L3MBTL2: variants seen among roughly 807,000 people sequenced by gnomAD.
The protein encoded by L3MBTL2 is lethal(3)malignant brain tumor-like protein 2.
Under a neutral mutation model 86.4 loss-of-function variants are expected in L3MBTL2, and 49 were observed. The ratio of observed to expected loss-of-function variants is 0.57; its 90% CI spans 0.45 to 0.72. The LOEUF is 0.72. Among genes scored for constraint, L3MBTL2 ranks in the 30% least tolerant of loss-of-function variants. L3MBTL2 has a pLI of 0.00. For missense variants in L3MBTL2, 755 were observed against 923.7 expected (o/e 0.82, Z 2.37); for synonymous variants, 336 against 350.6 (o/e 0.96, Z 0.47).
At position 41,226,655 on chromosome 22, in the gene L3MBTL2, C is replaced by G; in HGVS notation, c.1505-7C>G. On this transcript the variant is annotated splice_region_variant and splice_polypyrimidine_tract_variant and intron_variant, in intron 12 of 16. Coordinates refer to ENST00000216237, the MANE Select transcript of L3MBTL2 (RefSeq NM_031488.5). ...TCCCTCTGCATCTGAGCTTTCTGCT[C>G]CTCCAGGTTATGAGGCACAGACTTT... 1 of 1,609,002 alleles carries G rather than the reference C, an allele frequency of 6.2e-7. No homozygotes were observed. Among genetic ancestry groups the G allele is most frequent in the African/African-American group, 1.3e-5 (1 of 74,952 alleles).
Position 41,227,985 on chromosome 22 carries a change from G to T in L3MBTL2, c.1888+116G>T. On this transcript the variant is annotated intron_variant, in intron 15 of 16. Coordinates refer to ENST00000216237, the MANE Select transcript of L3MBTL2 (RefSeq NM_031488.5). This position sits in a 1 kb window ranked among gnomAD's most constrained non-coding sequence, Gnocchi z 6.0. ...ACTGGTTCCCAGGTGCTGTCCTACT[G>T]ACGTAGCTCTCTTCGTGTTCCTGTC... 1 of 1,480,618 alleles carries T rather than the reference G, an allele frequency of 6.8e-7. No individual in the cohort carries two copies. Among genetic ancestry groups the T allele is most frequent in the Non-Finnish European group, 9.0e-7 (1 of 1,113,974 alleles). 91.7% of individuals were successfully genotyped at this position (1,480,618 alleles called of 1,614,324 possible). A position where few individuals can be genotyped will look rare whatever the true frequency, so the allele number is the denominator to read the frequency against.
At position 41,229,676 on chromosome 22, in the gene L3MBTL2, G is replaced by A; in HGVS notation, c.2005+20G>A. 2 of 1,613,052 alleles carry A rather than the reference G, an allele frequency of 1.2e-6. No homozygotes were observed. The highest frequency in any genetic ancestry group is 1.7e-6 in the Non-Finnish European group (2 of 1,180,024). ...GCGAGAGTAAGAGCCACCGGGCTGGGTCAAGGCAGGACCAGCCTGCTCCGT... is the reference window on the plus strand; with the variant it reads ...GCGAGAGTAAGAGCCACCGGGCTGGATCAAGGCAGGACCAGCCTGCTCCGT... On this transcript the variant is annotated intron_variant, in intron 16 of 16. Coordinates refer to ENST00000216237, the MANE Select transcript of L3MBTL2 (RefSeq NM_031488.5).
intron 5 of L3MBTL2, chr22:41,218,925 C>T (rs1031454869): frequency 7.8e-5 from 12 of 154,408 alleles, no homozygotes; most frequent in Admixed American, 7.0e-4. Flanking sequence ...CATGCCTGGC[C>T]CCCTGGAGCA....
Position 41,230,228 on chromosome 22 carries a change from A to T in L3MBTL2, c.2095A>T (p.Ile699Phe), listed in dbSNP as rs1237933145. The T allele has an allele frequency of 4.3e-6, 7 of 1,613,532 alleles. No individual in the cohort carries two copies. Among genetic ancestry groups the T allele is most frequent in the Non-Finnish European group, 4.2e-6 (5 of 1,179,926 alleles). The change falls in exon 17 of 17, where the codon ATC (isoleucine) becomes TTC (phenylalanine). Residue 699 changes from isoleucine to phenylalanine, a missense_variant. Physicochemically the swap from Ile to Phe is conservative, Grantham distance 21. Around this residue, in one of 3 missense-constraint regions of L3MBTL2, gnomAD observed 634 missense variants for 748.9 expected, o/e 0.85. Coordinates refer to ENST00000216237, the MANE Select transcript of L3MBTL2 (RefSeq NM_031488.5). Reference sequence around the variant, plus strand: ...AGAGCTGCCTGTCTCCGTCGAGAACATCAAGCAGGAAACAGACGACTGAGC... The same window carrying T: ...AGAGCTGCCTGTCTCCGTCGAGAACTTCAAGCAGGAAACAGACGACTGAGC... The part of the protein sequence containing the change: ...SPELPVSVEN[I>F]KQETDD
intron 13 of L3MBTL2, 34 bp downstream of exon 13, chr22:41,226,778 G>A (rs1446888121): frequency 6.7e-6 from 10 of 1,491,060 alleles, no homozygotes; most frequent in African/African-American, 1.4e-5. Flanking sequence ...GGGGCCTGCG[G>A]TGGCCTCAGG....
chr22:41,228,579 G>C (rs1006514546), intron 15 of L3MBTL2: 1 of 934,392 alleles, frequency 1.1e-6, no homozygotes, highest in Admixed American at 6.2e-5. Flanking sequence ...GGCCAGGCGC[G>C]GTGGCTCACA....
intron 6 of L3MBTL2, 73 bp from the exon 7 acceptor site, chr22:41,220,661 A>T (rs1287192114): frequency 9.9e-7 from 1 of 1,008,648 alleles, no homozygotes; most frequent in Non-Finnish European, 1.3e-6. Flanking sequence ...TCGTCTCAGA[A>T]AAAAAAAAAA....
In L3MBTL2 at chr22:41,209,637, C is replaced by T. The variant is rs2030549087; in HGVS notation, c.25-59C>T. The T allele has an allele frequency of 3.4e-6, 5 of 1,483,378 alleles. No homozygotes were observed. The African/African-American group carries it at 6.9e-5, about 20-fold the overall frequency. 91.9% of individuals were successfully genotyped at this position (1,483,378 alleles called of 1,614,324 possible). A position where few individuals can be genotyped will look rare whatever the true frequency, so the allele number is the denominator to read the frequency against. On this transcript the variant is annotated intron_variant, in intron 1 of 16. Coordinates refer to ENST00000216237, the MANE Select transcript of L3MBTL2 (RefSeq NM_031488.5). ...CTGATAGCAGATCTGCAGCTTCTCC[C>T]CCCGTGCACTAAAGCCAATCATAAT...
intron 16 of L3MBTL2, 41 bp from the exon 17 acceptor site, chr22:41,230,098 T>C: frequency 3.5e-6 from 1 of 281,902 alleles, no homozygotes; most frequent in Non-Finnish European, 6.3e-6. Flanking sequence ...CCTCCCAGAG[T>C]TATTTACTCG....
intron 1 of L3MBTL2, among the ~76,000 whole-genome samples, chr22:41,206,570 G>A (rs1433547683): frequency 2.0e-5 from 3 of 151,956 alleles, no homozygotes; most frequent in Non-Finnish European, 1.5e-5. Context: ...AGGCCGAGGC[G>A]GGCAGATCAC....
chr22:41,215,630 A>C (rs76784986), intron 3 of L3MBTL2, among the ~76,000 whole-genome samples: 2 of 101,042 alleles, frequency 2.0e-5, no homozygotes, highest in African/African-American at 8.9e-5. Flanking sequence ...GTCCTCTCCC[A>C]AACATTCGCC....
intron 12 of L3MBTL2, 45 bp from the exon 13 acceptor site, chr22:41,226,617 C>G (rs1277034546): frequency 4.3e-6 from 6 of 1,396,078 alleles, no homozygotes; most frequent in Non-Finnish European, 6.1e-6. Context: ...TGCCCACTTC[C>G]TGCTTCCCCC....
In L3MBTL2 at chr22:41,225,453, C is replaced by T. The variant is rs758600683; in HGVS notation, c.1357-341C>T. 3.3e-5 allele frequency among the ~76,000 whole-genome samples: 5 copies of T among 152,200 alleles called. No individual in the cohort carries two copies. Among genetic ancestry groups the T allele is most frequent in the African/African-American group, 4.8e-5 (2 of 41,446 alleles). ...CATCGCCTCCTCCTGAGCAGCACCC[C>T]CACCCCTCCTTGGCCCTCCTGGAGG... On this transcript the variant is annotated intron_variant, in intron 11 of 16. Coordinates refer to ENST00000216237, the MANE Select transcript of L3MBTL2 (RefSeq NM_031488.5). This position sits in a 1 kb window ranked among gnomAD's most constrained non-coding sequence, Gnocchi z 4.1.
At position 41,225,186 on chromosome 22, in the gene L3MBTL2, A is replaced by G. The variant is rs767253450; in HGVS notation, c.1356+115A>G. Reference sequence around the variant, plus strand: ...GGGGTCTGTGTCCCAGCCTCTCATCACTGGCTGCACCCAGAGTCCCTGACT... The same window carrying G: ...GGGGTCTGTGTCCCAGCCTCTCATCGCTGGCTGCACCCAGAGTCCCTGACT... On this transcript the variant is annotated intron_variant, in intron 11 of 16. Transcript: ENST00000216237. This position sits in a 1 kb window ranked among gnomAD's most constrained non-coding sequence, Gnocchi z 4.1. 199 of 764,374 alleles carry G rather than the reference A, an allele frequency of 2.6e-4. 1 individual carries two copies. The highest frequency in any genetic ancestry group is 3.7e-4 in the Non-Finnish European group (178 of 475,130). 47.3% of individuals were successfully genotyped at this position (764,374 alleles called of 1,614,324 possible). A position where few individuals can be genotyped will look rare whatever the true frequency, so the allele number is the denominator to read the frequency against.
chr22:41,210,303 C>T (rs2145568723), intron 2 of L3MBTL2, among the ~76,000 whole-genome samples: 1 of 151,974 alleles, frequency 6.6e-6, no homozygotes, highest in Admixed American at 6.6e-5. Context: ...GCACCCACCA[C>T]CACATCCAGC....
At chr22:41,212,289 A>G (rs935389842) in intron 2 of L3MBTL2, among the ~76,000 whole-genome samples, 1 of 152,044 alleles carries the variant, frequency 6.6e-6, no homozygotes, top group African/African-American at 2.4e-5. Flanking sequence ...ATTAGAGACC[A>G]CTTAGACCAG....
chr22:41,213,674 T>C, intron 2 of L3MBTL2: 1 of 459,886 alleles, frequency 2.2e-6, no homozygotes, highest in South Asian at 3.5e-5. Context: ...GCCCCTCTGT[T>C]GACATCTGTA....
At chr22:41,219,104 G>A (rs377027697) in intron 5 of L3MBTL2, 5 of 263,242 alleles carry the variant, frequency 1.9e-5, no homozygotes, top group African/African-American at 4.3e-5. Flanking sequence ...CGAAGGGATC[G>A]AGGCTCACCA....
chr22:41,227,342 C>T lies in L3MBTL2; in HGVS notation c.1822+19C>T, dbSNP rs200358774. On this transcript the variant is annotated intron_variant, in intron 14 of 16. Transcript: ENST00000216237. This position sits in a 1 kb window ranked among gnomAD's most constrained non-coding sequence, Gnocchi z 6.0. Reference sequence around the variant, plus strand: ...GCCGCAGGTGTGGGCTCTCGTGGCCCTAAGAGGCTCTGACTTTCTTTCCTC... The same window carrying T: ...GCCGCAGGTGTGGGCTCTCGTGGCCTTAAGAGGCTCTGACTTTCTTTCCTC... 3.8e-6 allele frequency: 6 copies of T among 1,562,560 alleles called. No individual in the cohort carries two copies. The highest frequency in any genetic ancestry group is 5.2e-6 in the Non-Finnish European group (6 of 1,150,676).
Sources: gnomAD v4.1 joint callset for allele counts (sites outside exome capture counted in the v4.1 genomes callset) on GRCh38, gnomAD v4.1.1 for gene constraint, gnomAD v4.1.1 regional missense constraint, Gnocchi (gnomAD v3.1) non-coding constraint, MANE v1.5 for transcripts, NCBI Gene and HGNC (gene_info 2026-07-23, HGNC 2026-07-21) for gene names.